Variants in HIBADH observed in about 807,000 individuals in gnomAD.
HIBADH encodes 3-hydroxyisobutyrate dehydrogenase, mitochondrial.
HIBADH carries 25 observed loss-of-function variants against 36.1 expected under a neutral mutation model. The ratio of observed to expected loss-of-function variants is 0.69; its 90% CI spans 0.50 to 0.97. HIBADH has a LOEUF of 0.97. Ranked by LOEUF, HIBADH falls within the 50% of genes least tolerant of loss-of-function variation. The pLI is 0.00. For missense variants in HIBADH, 421 were observed against 418.0 expected (o/e 1.01, Z -0.06); for synonymous variants, 160 against 149.5 (o/e 1.07, Z -0.51).
intron 2 of HIBADH, among the ~76,000 whole-genome samples, chr7:27,644,339 C>T (rs1379799602): frequency 6.6e-6 from 1 of 152,032 alleles, no homozygotes; most frequent in Non-Finnish European, 1.5e-5. Context: ...GTGGCTCACA[C>T]CTATAATCTC....
intron 4 of HIBADH, among the ~76,000 whole-genome samples, chr7:27,605,521 C>T (rs1452859517): frequency 4.1e-5 from 3 of 72,680 alleles, no homozygotes; most frequent in African/African-American, 6.1e-5. Flanking sequence ...TGGTGGGGGG[C>T]GGGGATTTGA....
chr7:27,638,324 A>AAAAAAAAAAAAAAAAAAT (rs1785889350), intron 2 of HIBADH, among the ~76,000 whole-genome samples: 1 of 148,548 alleles, frequency 6.7e-6, no homozygotes, highest in African/African-American at 2.5e-5. Flanking sequence ...AAAAAAAAAA[A>AAAAAAAAAAAAAAAAAAT]AAAAAACAAG....
At chr7:27,608,504 C>G (rs977324531) in intron 4 of HIBADH, among the ~76,000 whole-genome samples, 7 of 152,142 alleles carry the variant, frequency 4.6e-5, no homozygotes, top group Admixed American at 4.6e-4. Flanking sequence ...TCAAGAAAAT[C>G]GGACTTCTTG....
chr7:27,660,203 G>C (rs1283845848), intron 1 of HIBADH, among the ~76,000 whole-genome samples: 1 of 152,070 alleles, frequency 6.6e-6, no homozygotes, highest in African/African-American at 2.4e-5. Context: ...ATATCCAACA[G>C]AATTCAGAAC....
chr7:27,598,073 C>G (rs1332737734), intron 4 of HIBADH, among the ~76,000 whole-genome samples: 4 of 152,180 alleles, frequency 2.6e-5, no homozygotes, highest in Non-Finnish European at 4.4e-5. Context: ...AGAATTTAAT[C>G]AATCAAAAAT....
intron 2 of HIBADH, among the ~76,000 whole-genome samples, chr7:27,645,382 T>TTTTTTTTTTTTTTTTG (rs1562657294): frequency 1.5e-5 from 2 of 129,080 alleles, no homozygotes; most frequent in African/African-American, 6.3e-5. Flanking sequence ...TTTTTTTTTT[T>TTTTTTTTTTTTTTTTG]TTTTTTTTTT....
intron 4 of HIBADH, among the ~76,000 whole-genome samples, chr7:27,626,104 GAAAAAAAA>G (rs70994672): frequency 6.9e-5 from 5 of 72,496 alleles, no homozygotes. Flanking sequence ...CTCCGTCTCA[GAAAAAAAA>G]AAAAAAAAAA....
intron 4 of HIBADH, among the ~76,000 whole-genome samples, chr7:27,601,280 G>T (rs1468349917): frequency 1.3e-5 from 2 of 152,008 alleles, no homozygotes; most frequent in African/African-American, 2.4e-5. Context: ...TGAAACTACT[G>T]AAAGATTATA....
chr7:27,528,904 T>C (rs1213847242), intron 7 of HIBADH, among the ~76,000 whole-genome samples: 2 of 152,216 alleles, frequency 1.3e-5, no homozygotes, highest in Non-Finnish European at 2.9e-5. Flanking sequence ...AGGCTAACCC[T>C]CTTGTTAAGG....
At chr7:27,659,629 G>T (rs1336792483) in intron 1 of HIBADH, among the ~76,000 whole-genome samples, 1 of 152,170 alleles carries the variant, frequency 6.6e-6, no homozygotes, top group African/African-American at 2.4e-5. Context: ...GGCTGAGGCA[G>T]GGGGATTGCT....
At chr7:27,548,905 C>A (rs1468859793) in intron 4 of HIBADH, among the ~76,000 whole-genome samples, 1 of 152,094 alleles carries the variant, frequency 6.6e-6, no homozygotes, top group Non-Finnish European at 1.5e-5. Context: ...GGTGAAAAAA[C>A]AAGATATTGT....
intron 4 of HIBADH, among the ~76,000 whole-genome samples, chr7:27,572,269 A>G (rs778450846): frequency 2.6e-5 from 4 of 152,228 alleles, no homozygotes; most frequent in Non-Finnish European, 4.4e-5. Context: ...CTAATGAGAA[A>G]TGTAAAGTGC....
intron 2 of HIBADH, among the ~76,000 whole-genome samples, chr7:27,632,922 T>G (rs1273861737): frequency 2.0e-5 from 3 of 151,898 alleles, no homozygotes; most frequent in Admixed American, 2.0e-4. Context: ...TCCTCCAGTC[T>G]GTATTTTCAA....
chr7:27,546,178 C>CT (rs1784233352), intron 4 of HIBADH, among the ~76,000 whole-genome samples: 1 of 152,194 alleles, frequency 6.6e-6, no homozygotes. Context: ...TCATAGCTCA[C>CT]TGCAGCCTCA....
At chr7:27,611,682 T>G (rs778642610) in intron 4 of HIBADH, among the ~76,000 whole-genome samples, 1 of 152,158 alleles carries the variant, frequency 6.6e-6, no homozygotes, top group Non-Finnish European at 1.5e-5. Context: ...TCACTTTACT[T>G]TGGAAACAAC....
chr7:27,641,756 A>G (rs930209635), intron 2 of HIBADH, among the ~76,000 whole-genome samples: 1 of 152,198 alleles, frequency 6.6e-6, no homozygotes, highest in Non-Finnish European at 1.5e-5. Flanking sequence ...TAAGCTGCCA[A>G]CGTAAATCAT....
chr7:27,530,749 A>G (rs1783984362), intron 7 of HIBADH, among the ~76,000 whole-genome samples: 1 of 152,212 alleles, frequency 6.6e-6, no homozygotes, highest in Admixed American at 6.5e-5. Flanking sequence ...ATCTTAAAGC[A>G]GGAAGATGTA....
chr7:27,611,061 C>A (rs569132527), intron 4 of HIBADH, among the ~76,000 whole-genome samples: 1 of 152,170 alleles, frequency 6.6e-6, no homozygotes, highest in Non-Finnish European at 1.5e-5. Flanking sequence ...AAACAAATTA[C>A]TAAAACTTAA....
chr7:27,565,756 A>C (rs1490968775), intron 4 of HIBADH, among the ~76,000 whole-genome samples: 1 of 152,206 alleles, frequency 6.6e-6, no homozygotes, highest in Non-Finnish European at 1.5e-5. Flanking sequence ...ACTACAAAGT[A>C]TAACGTTAGC....
Sources: allele counts gnomAD v4.1 joint callset (sites outside exome capture counted in the v4.1 genomes callset), GRCh38; gene constraint gnomAD v4.1.1; transcripts MANE v1.5; gene names NCBI Gene and HGNC (gene_info 2026-07-23, HGNC 2026-07-21).